SLC37A1: variants seen among roughly 807,000 people sequenced by gnomAD.
SLC37A1 encodes solute carrier family 37 member 1, also known as glucose-6-phosphate exchanger SLC37A1.
A neutral mutation model predicts 75.3 loss-of-function variants in SLC37A1; 49 were observed. The observed-to-expected ratio is 0.65, with a 90% CI of 0.52 to 0.83. The LOEUF is 0.83. Among genes scored for constraint, SLC37A1 ranks in the 40% least tolerant of loss-of-function variants. The pLI is 0.00. For missense variants in SLC37A1, 566 were observed against 695.0 expected, an observed-to-expected ratio of 0.81 and a Z score of 2.09; for synonymous variants, 268 against 292.1, an observed-to-expected ratio of 0.92 and a Z score of 0.84.
rs779537744 is a variant in SLC37A1 at position 42,574,786 on chromosome 21, A to G, written c.1424-32A>G. On this transcript the variant is annotated intron_variant, in intron 17 of 19. Transcript: ENST00000352133. ...TTATGTGCTGGGATTTTCTCTAAACAGCACCATGTGTGTCCATTTGCCTGA... is the reference window on the plus strand; with the variant it reads ...TTATGTGCTGGGATTTTCTCTAAACGGCACCATGTGTGTCCATTTGCCTGA... 2.5e-6 allele frequency: 4 copies of G among 1,611,298 alleles called. No individual in the cohort carries two copies. The African/African-American group carries it at 5.3e-5, about 22-fold the overall frequency.
chr21:42,569,829 CAGTT>C (rs1000734357), intron 17 of SLC37A1, among the ~76,000 whole-genome samples: 5 of 152,246 alleles, frequency 3.3e-5, no homozygotes, highest in African/African-American at 1.2e-4. Context: ...TGCTCCCAGA[CAGTT>C]AGAATCGCAG....
chr21:42,548,233 C>A lies in SLC37A1; in HGVS notation c.768+1093C>A, dbSNP rs1015834311. 6.6e-5 allele frequency among the ~76,000 whole-genome samples: 10 copies of A among 152,160 alleles called. No individual in the cohort carries two copies. Among genetic ancestry groups the A allele is most frequent in the Non-Finnish European group, 1.5e-4 (10 of 68,016 alleles). On this transcript the variant is annotated intron_variant, in intron 9 of 19. Transcript: ENST00000352133. The surrounding 1 kb of genome is among the most constrained non-coding windows in gnomAD (Gnocchi z 5.6). ...GGCTCCAGGTGCGTTGATGTCGAGT[C>A]ACCATGCTGTCCCCAGAGTGACCCA...
chr21:42,530,656 C>CACACCCA (rs1568997149), intron 3 of SLC37A1, among the ~76,000 whole-genome samples: 1 of 23,472 alleles, frequency 4.3e-5, no homozygotes, highest in African/African-American at 1.4e-4. Flanking sequence ...ACACACACAC[C>CACACCCA]CCCTCTGTGT....
intron 10 of SLC37A1, 60 bp from the exon 11 acceptor site, chr21:42,558,898 C>G: frequency 6.2e-7 from 1 of 1,608,814 alleles, no homozygotes; most frequent in Admixed American, 1.7e-5. Context: ...GGCCCCACTT[C>G]ACCCAGACTG....
At chr21:42,560,198 A>T (rs1371785316) in intron 11 of SLC37A1, among the ~76,000 whole-genome samples, 5 of 152,232 alleles carry the variant, frequency 3.3e-5, no homozygotes, top group Non-Finnish European at 5.9e-5. Flanking sequence ...GGACTCTCTC[A>T]GCAGAGAATC....
At chr21:42,550,907 T>G (rs752350184) in intron 9 of SLC37A1, among the ~76,000 whole-genome samples, 5 of 152,312 alleles carry the variant, frequency 3.3e-5, no homozygotes, top group Non-Finnish European at 5.9e-5. Context: ...AAACTAGGAA[T>G]AGAAAGCAAC....
intron 2 of SLC37A1, among the ~76,000 whole-genome samples, chr21:42,504,060 C>T (rs1480551791): frequency 1.3e-5 from 2 of 152,134 alleles, no homozygotes; most frequent in African/African-American, 2.4e-5. Flanking sequence ...TGTGAAAATA[C>T]GTATTTATTA....
chr21:42,512,632 A>G (rs1455421746), upstream of SLC37A1, among the ~76,000 whole-genome samples: 1 of 152,192 alleles, frequency 6.6e-6, no homozygotes, highest in Non-Finnish European at 1.5e-5. Context: ...TCTGAAGAAA[A>G]CCTGGCCAAA....
intron 9 of SLC37A1, among the ~76,000 whole-genome samples, chr21:42,553,228 C>G (rs1162873072): frequency 6.6e-6 from 1 of 152,146 alleles, no homozygotes; most frequent in Non-Finnish European, 1.5e-5. Flanking sequence ...AGCACTAGTG[C>G]CAGAAATCTA....
In SLC37A1 at chr21:42,568,590, G is replaced by A. The variant is rs142424157; in HGVS notation, c.1423+152G>A. 432 of 747,076 alleles carry A rather than the reference G, an allele frequency of 5.8e-4. 2 individuals are homozygous for A. The East Asian group carries it at 0.01, about 18-fold the overall frequency. The allele number at this position is 747,076 out of a possible 1,614,324, so 46.3% of individuals were successfully genotyped here. The stretch of plus-strand genomic sequence containing the variant: ...TACGAGCAGATGAGCAGGGGACATC[G>A]GCACACAGAGATGGTCACGCATGCC... On this transcript the variant is annotated intron_variant, in intron 17 of 19. Coordinates refer to ENST00000352133, the MANE Select transcript of SLC37A1 (RefSeq NM_001320537.2).
intron 9 of SLC37A1, among the ~76,000 whole-genome samples, chr21:42,550,169 T>G (rs1449279802): frequency 6.6e-6 from 1 of 152,200 alleles, no homozygotes; most frequent in Non-Finnish European, 1.5e-5. Context: ...AGAAAATCAA[T>G]GAAACCAAAA....
Position 42,548,384 on chromosome 21 carries a change from C to T in SLC37A1, c.768+1244C>T, listed in dbSNP as rs2055470447. Reference sequence around the variant, plus strand: ...TTTTACCCCTGCACAAGCCGATCCCCCAGCATCCCCCATCTCAGTCAGGAA... The same window carrying T: ...TTTTACCCCTGCACAAGCCGATCCCTCAGCATCCCCCATCTCAGTCAGGAA... On this transcript the variant is annotated intron_variant, in intron 9 of 19. Transcript: ENST00000352133. The surrounding 1 kb of genome is among the most constrained non-coding windows in gnomAD (Gnocchi z 5.6). Among the ~76,000 whole-genome samples, 1 of 152,138 alleles carries T rather than the reference C, an allele frequency of 6.6e-6. No individual in the cohort carries two copies. Among genetic ancestry groups the T allele is most frequent in the Non-Finnish European group, 1.5e-5 (1 of 68,018 alleles).
At chr21:42,555,031 T>C (rs1345834680) in intron 10 of SLC37A1, among the ~76,000 whole-genome samples, 1 of 149,244 alleles carries the variant, frequency 6.7e-6, no homozygotes, top group Non-Finnish European at 1.5e-5. Flanking sequence ...TGTCGCCCAG[T>C]CTGGAGTGCA....
intron 6 of SLC37A1, among the ~76,000 whole-genome samples, 175 bp from the exon 7 acceptor site, chr21:42,542,229 A>G (rs2055301026): frequency 1.3e-5 from 2 of 152,208 alleles, no homozygotes; most frequent in African/African-American, 2.4e-5. Context: ...ACCTGTATAC[A>G]TGGTTTTAAA....
chr21:42,544,653 C>A (rs1457061295), intron 8 of SLC37A1, among the ~76,000 whole-genome samples: 4 of 152,366 alleles, frequency 2.6e-5, no homozygotes, highest in African/African-American at 9.6e-5. Flanking sequence ...TTCGGCCACA[C>A]CCCAAACAGC....
chr21:42,580,657 A>C lies in SLC37A1; in HGVS notation c.*297A>C. 8 of 262,608 alleles carry C rather than the reference A, an allele frequency of 3.0e-5. No individual in the cohort carries two copies. Among genetic ancestry groups the C allele is most frequent in the Non-Finnish European group, 4.4e-5 (6 of 136,268 alleles). 16.3% of individuals were successfully genotyped at this position (262,608 alleles called of 1,614,324 possible). On this transcript the variant is annotated 3_prime_UTR_variant, in exon 20 of 20. Transcript: ENST00000352133. The stretch of plus-strand genomic sequence containing the variant: ...TGTGCCCATGCAGCCACCCAAATGC[A>C]CGCGTGACAACAAGGCCGGGAGGGT...
At chr21:42,550,826 A>C (rs761834311) in intron 9 of SLC37A1, among the ~76,000 whole-genome samples, 6 of 152,256 alleles carry the variant, frequency 3.9e-5, no homozygotes, top group Non-Finnish European at 8.8e-5. Context: ...CAAAAGCTGC[A>C]TGATCATCTC....
upstream of SLC37A1, among the ~76,000 whole-genome samples, chr21:42,513,090 G>A (rs1014570788): frequency 6.6e-6 from 1 of 152,240 alleles, no homozygotes; most frequent in Non-Finnish European, 1.5e-5. Context: ...CTTCCCCGAG[G>A]AGTGGGCTGG....
chr21:42,542,136 G>A (rs1365067767), intron 6 of SLC37A1, among the ~76,000 whole-genome samples: 5 of 151,860 alleles, frequency 3.3e-5, no homozygotes, highest in Non-Finnish European at 5.9e-5. Context: ...TTCTGGCTGG[G>A]TTTTTTTTCC....
Sources: allele counts gnomAD v4.1 joint callset (sites outside exome capture counted in the v4.1 genomes callset), GRCh38; gene constraint gnomAD v4.1.1; non-coding constraint Gnocchi (gnomAD v3.1); transcripts MANE v1.5; gene names NCBI Gene and HGNC (gene_info 2026-07-23, HGNC 2026-07-21).